Variants in DCUN1D4 observed in about 807,000 individuals in gnomAD.
DCUN1D4 encodes the protein DCN1-like protein 4.
A neutral mutation model predicts 47.9 loss-of-function variants in DCUN1D4; 22 were observed. The ratio of observed to expected loss-of-function variants is 0.46; its 90% CI spans 0.33 to 0.66. The LOEUF (loss-of-function observed/expected upper bound fraction) is 0.66, where lower values mean the gene tolerates loss of function less well. DCUN1D4 is among the 30% of genes least tolerant of loss of function. The probability of loss-of-function intolerance (pLI) is 0.02; values close to 1 mark genes in which losing one functional copy is unlikely to be tolerated. For missense variants in DCUN1D4, 301 were observed against 340.8 expected (o/e 0.88, Z 0.92); for synonymous variants, 121 against 112.2 (o/e 1.08, Z -0.50).
At chr4:51,873,191 C>A (rs1727174859) in intron 3 of DCUN1D4, among the ~76,000 whole-genome samples, 1 of 152,182 alleles carries the variant, frequency 6.6e-6, no homozygotes, top group African/African-American at 2.4e-5. Context: ...CAACCAAGGG[C>A]TTGTGCAAGG....
chr4:51,891,578 T>C (rs1411513117), intron 6 of DCUN1D4, among the ~76,000 whole-genome samples, 182 bp from the exon 7 acceptor site: 1 of 152,184 alleles, frequency 6.6e-6, no homozygotes, highest in Non-Finnish European at 1.5e-5. Flanking sequence ...TTGTCAACTT[T>C]TTTAGATGTT....
intron 8 of DCUN1D4, among the ~76,000 whole-genome samples, chr4:51,900,034 C>T (rs1482939945): frequency 6.6e-6 from 1 of 152,150 alleles, no homozygotes; most frequent in Admixed American, 6.5e-5. Context: ...AATCTATATC[C>T]CATACAATTA....
At chr4:51,856,696 AT>A (rs1237017072) in intron 1 of DCUN1D4, among the ~76,000 whole-genome samples, 1 of 152,238 alleles carries the variant, frequency 6.6e-6, no homozygotes, top group Admixed American at 6.5e-5. Context: ...TAAAATGAGA[AT>A]TGGACAAAAG....
At position 51,913,560 on chromosome 4, in the gene DCUN1D4, G is replaced by T; in HGVS notation, c.855G>T (p.Trp285Cys). Residue 285 changes from tryptophan (W) to cysteine (C), a missense_variant, in exon 11 of 11, where the codon TGG becomes TGT. Around this residue, in one of 2 missense-constraint regions of DCUN1D4, gnomAD observed 170 missense variants for 234.5 expected, o/e 0.73. Coordinates refer to ENST00000334635, the MANE Select transcript of DCUN1D4 (RefSeq NM_001040402.3). ...TTTTGTTGGACGAGTTTGTGGAGTG[G>T]TATAAAGACAAACAGATGTCCTAGG... Reference protein sequence around the residue: ...WPVLLDEFVEWYKDKQMS With the variant: ...WPVLLDEFVECYKDKQMS 1 of 1,612,888 alleles carries T rather than the reference G, an allele frequency of 6.2e-7. No homozygotes were observed. Among genetic ancestry groups the T allele is most frequent in the Non-Finnish European group, 8.5e-7 (1 of 1,179,266 alleles).
chr4:51,865,162 A>C (rs1725707061), intron 3 of DCUN1D4: 1 of 207,392 alleles, frequency 4.8e-6, no homozygotes. Flanking sequence ...CAGTTCAATC[A>C]CCTTTTTTGA....
chr4:51,858,321 A>G (rs1213295586), intron 1 of DCUN1D4, among the ~76,000 whole-genome samples: 1 of 152,002 alleles, frequency 6.6e-6, no homozygotes, highest in Non-Finnish European at 1.5e-5. Flanking sequence ...GGTAAGGAGA[A>G]CAGCACGTGC....
rs932224260 is a variant in DCUN1D4, at chr4:51,893,322, T to G, written c.506+1471T>G. ...ATTCTCTGAAATCTTTTAAAACTTG[T>G]GTATCCTTTTGGGGGAACATCTCCT... On this transcript the variant is annotated intron_variant, in intron 7 of 10. Coordinates refer to ENST00000334635, the MANE Select transcript of DCUN1D4 (RefSeq NM_001040402.3). 2.6e-5 allele frequency among the ~76,000 whole-genome samples: 4 copies of G among 152,252 alleles called. No individual in the cohort carries two copies. The East Asian group carries it at 7.7e-4, about 29-fold the overall frequency.
chr4:51,903,728 T>C lies in DCUN1D4; in HGVS notation c.615+4350T>C, dbSNP rs950512663. ...ATTTTTAATCATTTTTATTACTATG[T>C]CTTCCAATATTAATCTTTTCTTTTG... is the stretch of plus-strand genomic sequence containing the variant. On this transcript the variant is annotated intron_variant, in intron 8 of 10. Coordinates refer to ENST00000334635, the MANE Select transcript of DCUN1D4 (RefSeq NM_001040402.3). Among the ~76,000 whole-genome samples, 3 of 152,182 alleles carry C rather than the reference T, an allele frequency of 2.0e-5. No homozygotes were observed. The East Asian group carries it at 5.8e-4, about 29-fold the overall frequency.
chr4:51,901,629 GTCAGCCTGTCAGGGA>G (rs982848474), intron 8 of DCUN1D4, among the ~76,000 whole-genome samples: 10 of 152,184 alleles, frequency 6.6e-5, no homozygotes, highest in African/African-American at 2.4e-4. Context: ...CAGCCTCCTG[GTCAGCCTGTCAGGGA>G]TCAGCCTGTC....
chr4:51,906,538 C>A (rs1182175953), intron 8 of DCUN1D4, among the ~76,000 whole-genome samples: 2 of 152,178 alleles, frequency 1.3e-5, no homozygotes, highest in Non-Finnish European at 2.9e-5. Flanking sequence ...AACCCACCCC[C>A]AACCTCAAAC....
At chr4:51,875,876 C>G (rs1181246617) in intron 4 of DCUN1D4, among the ~76,000 whole-genome samples, 1 of 151,954 alleles carries the variant, frequency 6.6e-6, no homozygotes, top group Non-Finnish European at 1.5e-5. Context: ...TATAGTGTCT[C>G]CAAGTTATTG....
At chr4:51,878,347 G>A (rs1435817471) in intron 5 of DCUN1D4, among the ~76,000 whole-genome samples, 3 of 151,952 alleles carry the variant, frequency 2.0e-5, no homozygotes, top group African/African-American at 4.8e-5. Flanking sequence ...ATAATGTTGC[G>A]ACCTGGGGCT....
intron 1 of DCUN1D4, among the ~76,000 whole-genome samples, chr4:51,851,761 C>A (rs1723410057): frequency 6.6e-6 from 1 of 152,192 alleles, no homozygotes; most frequent in South Asian, 2.1e-4. Flanking sequence ...TGCATTAACT[C>A]ATTTAATCCT....
At chr4:51,840,004 A>C (rs1721591938), upstream of DCUN1D4, among the ~76,000 whole-genome samples, 1 of 152,232 alleles carries the variant, frequency 6.6e-6, no homozygotes, top group Admixed American at 6.5e-5. Context: ...ATGACTAATA[A>C]AATAGAAAAA....
chr4:51,878,702 C>T (rs1728069685), intron 5 of DCUN1D4, among the ~76,000 whole-genome samples: 1 of 152,200 alleles, frequency 6.6e-6, no homozygotes, highest in Non-Finnish European at 1.5e-5. Flanking sequence ...CTCCCCGTGC[C>T]TTTGCCTGAA....
chr4:51,875,385 T>G (rs1024389096), intron 4 of DCUN1D4: 1 of 152,232 alleles, frequency 6.6e-6, no homozygotes, highest in Non-Finnish European at 1.5e-5. Context: ...ATTTTGTGAC[T>G]TTGTAGCGCT....
intron 3 of DCUN1D4, among the ~76,000 whole-genome samples, chr4:51,865,811 C>A (rs1183519627): frequency 6.6e-6 from 1 of 152,094 alleles, no homozygotes; most frequent in African/African-American, 2.4e-5. Flanking sequence ...TTGGAAAACA[C>A]AACTTAGATG....
At chr4:51,877,630 A>G (rs1018136616) in intron 4 of DCUN1D4, 133 bp from the exon 5 acceptor site, 3 of 599,074 alleles carry the variant, frequency 5.0e-6, no homozygotes, top group Middle Eastern at 9.6e-4. Context: ...AAATGCAGGA[A>G]ATAAAACGTT....
chr4:51,850,930 G>A (rs1234887550), intron 1 of DCUN1D4, among the ~76,000 whole-genome samples: 2 of 152,130 alleles, frequency 1.3e-5, no homozygotes, highest in Admixed American at 1.3e-4. Flanking sequence ...AACAGCAGAG[G>A]CTGGGGTGCT....
Sources: gnomAD v4.1 joint callset for allele counts (sites outside exome capture counted in the v4.1 genomes callset) on GRCh38, gnomAD v4.1.1 for gene constraint, gnomAD v4.1.1 regional missense constraint, MANE v1.5 for transcripts, NCBI Gene and HGNC (gene_info 2026-07-23, HGNC 2026-07-21) for gene names.